Variants in KIFAP3 observed in about 807,000 individuals in gnomAD.
The protein encoded by KIFAP3 is kinesin associated protein 3.
Under a neutral mutation model 106.5 loss-of-function variants are expected in KIFAP3, and 68 were observed. The observed-to-expected ratio is 0.64, with a 90% CI of 0.53 to 0.78. KIFAP3 has a LOEUF of 0.78. Ranked by LOEUF, KIFAP3 falls within the 30% of genes least tolerant of loss-of-function variation. The pLI is 0.00. For synonymous variants in KIFAP3, 320 were observed against 311.5 expected (o/e 1.03, Z -0.29); for missense variants, 780 against 941.8 (o/e 0.83, Z 2.25).
chr1:169,998,399 TACACAC>T (rs1205858764), intron 10 of KIFAP3, among the ~76,000 whole-genome samples: 9 of 97,768 alleles, frequency 9.2e-5, no homozygotes, highest in African/African-American at 2.6e-4. Flanking sequence ...TATATATATA[TACACAC>T]ACACACACAC....
intron 2 of KIFAP3, among the ~76,000 whole-genome samples, chr1:170,051,025 C>T (rs1670548583): frequency 1.3e-5 from 2 of 151,802 alleles, no homozygotes; most frequent in Non-Finnish European, 2.9e-5. Context: ...CTAAATGCCT[C>T]AATTGAAAGA....
chr1:169,972,513 C>T lies in KIFAP3; in HGVS notation c.1983G>A (p.Ala661=), dbSNP rs762234341. 31 of 1,334,118 alleles carry T rather than the reference C, an allele frequency of 2.3e-5. No individual in the cohort carries two copies. Among genetic ancestry groups the T allele is most frequent in the South Asian group, 2.2e-4 (18 of 82,204 alleles). 82.6% of individuals were successfully genotyped at this position (1,334,118 alleles called of 1,614,324 possible). ...TTGTGTAGAAAAAATAATTACTTACCGCTATAATATCTAATGTATTATCAC... is the reference window on the plus strand; with the variant it reads ...TTGTGTAGAAAAAATAATTACTTACTGCTATAATATCTAATGTATTATCAC... ...KVCDNTLDII[A]EYDEEWAKKI... Residue 661 remains alanine, a splice_region_variant and synonymous_variant, in exon 17 of 20, where the codon GCG becomes GCA. Coordinates refer to ENST00000361580, the MANE Select transcript of KIFAP3 (RefSeq NM_014970.4).
At chr1:170,058,937 T>A (rs1670991037) in intron 1 of KIFAP3, among the ~76,000 whole-genome samples, 1 of 151,770 alleles carries the variant, frequency 6.6e-6, no homozygotes, top group South Asian at 2.1e-4. Context: ...CATAACAAAA[T>A]GAAGGCAGAA....
At chr1:170,031,179 C>A (rs996883282) in intron 8 of KIFAP3, among the ~76,000 whole-genome samples, 3 of 151,722 alleles carry the variant, frequency 2.0e-5, no homozygotes, top group African/African-American at 7.2e-5. Flanking sequence ...CTTTGAAAAT[C>A]TGACATTTTC....
At chr1:170,024,332 G>T in intron 9 of KIFAP3, 86 bp downstream of exon 9, 1 of 756,002 alleles carries the variant, frequency 1.3e-6, no homozygotes. Context: ...TCTCGGTAGG[G>T]GAATAAAGTG....
chr1:170,079,404 G>A (rs1218207703), upstream of KIFAP3, among the ~76,000 whole-genome samples: 1 of 152,016 alleles, frequency 6.6e-6, no homozygotes, highest in Non-Finnish European at 1.5e-5. Flanking sequence ...ATAATCTCAG[G>A]TATTCCTTTA....
chr1:170,007,127 T>C (rs972104652), intron 10 of KIFAP3, among the ~76,000 whole-genome samples: 1 of 152,138 alleles, frequency 6.6e-6, no homozygotes, highest in Non-Finnish European at 1.5e-5. Flanking sequence ...TACTAGGAAT[T>C]GACCATTGGC....
chr1:169,985,569 T>C (rs1034003930), intron 11 of KIFAP3, among the ~76,000 whole-genome samples: 2 of 151,794 alleles, frequency 1.3e-5, no homozygotes, highest in African/African-American at 4.8e-5. Context: ...AATTTTGGTT[T>C]TAGATATGTT....
chr1:170,078,230 G>A (rs980893391), upstream of KIFAP3, among the ~76,000 whole-genome samples: 1 of 150,842 alleles, frequency 6.6e-6, no homozygotes, highest in Non-Finnish European at 1.5e-5. Context: ...TTTTAAATTT[G>A]TCTGTTTACT....
chr1:170,014,345 T>C (rs570968086), intron 10 of KIFAP3, among the ~76,000 whole-genome samples: 67 of 152,368 alleles, frequency 4.4e-4, no homozygotes, highest in Admixed American at 9.2e-4. Flanking sequence ...CTTTCACTTA[T>C]TCTTAGTCAT....
chr1:169,982,947 C>T (rs1666606651), intron 13 of KIFAP3, 80 bp from the exon 14 acceptor site: 3 of 808,914 alleles, frequency 3.7e-6, no homozygotes, highest in Admixed American at 7.7e-5. Flanking sequence ...AACAATTTAA[C>T]TCATTGAAAG....
chr1:170,043,932 A>T (rs1433003643), intron 3 of KIFAP3, among the ~76,000 whole-genome samples: 1 of 152,202 alleles, frequency 6.6e-6, no homozygotes, highest in Non-Finnish European at 1.5e-5. Context: ...TTAAAAAATC[A>T]GAAGACAAAG....
intron 17 of KIFAP3, among the ~76,000 whole-genome samples, chr1:169,962,946 CTTGA>C (rs2101867928): frequency 6.6e-6 from 1 of 152,164 alleles, no homozygotes; most frequent in African/African-American, 2.4e-5. Flanking sequence ...AATTACTAAA[CTTGA>C]TTTTCTTTTT....
rs544913225 is a variant in KIFAP3, at chr1:169,944,223, G to A, written c.2273+9788C>T. ...ACCAAGCGCAGGGTCTGGTCACCAC[G>A]CACAGCAGGCATGCTGGCTGACTGG... On this transcript the variant is annotated intron_variant, in intron 19 of 19. Coordinates refer to ENST00000361580, the MANE Select transcript of KIFAP3 (RefSeq NM_014970.4). Among the ~76,000 whole-genome samples, 186 of 152,306 alleles carry A rather than the reference G, an allele frequency of 1.2e-3. 2 individuals carry two copies. The highest frequency in any genetic ancestry group is 4.4e-3 in the African/African-American group (182 of 41,568).
chr1:169,955,618 T>C (rs621437), intron 18 of KIFAP3, among the ~76,000 whole-genome samples: 39,311 of 152,048 alleles, frequency 0.26, 5,393 homozygotes, highest in Middle Eastern at 0.33. Flanking sequence ...GTGGGGTAAT[T>C]TGTATTTCCA....
chr1:170,077,131 T>TA (rs1671934532), upstream of KIFAP3, among the ~76,000 whole-genome samples: 4 of 152,244 alleles, frequency 2.6e-5, no homozygotes, highest in African/African-American at 7.2e-5. Flanking sequence ...CAGCACTCTG[T>TA]AAAAATGCAC....
chr1:170,027,636 C>G (rs1012119301), intron 8 of KIFAP3, among the ~76,000 whole-genome samples: 2 of 151,922 alleles, frequency 1.3e-5, no homozygotes, highest in South Asian at 2.1e-4. Flanking sequence ...ATCACAGAAA[C>G]TATCCAAAAT....
At chr1:170,041,906 G>A in intron 3 of KIFAP3, 1 of 1,334,232 alleles carries the variant, frequency 7.5e-7, no homozygotes, top group Non-Finnish European at 9.7e-7. Flanking sequence ...GCAACATTTG[G>A]GGGAAGTACT....
chr1:169,991,202 C>G (rs1667083438), intron 11 of KIFAP3, among the ~76,000 whole-genome samples: 1 of 151,868 alleles, frequency 6.6e-6, no homozygotes, highest in Non-Finnish European at 1.5e-5. Flanking sequence ...AAAAAATTAA[C>G]CAGTCATGGT....
Sources: allele counts gnomAD v4.1 joint callset (sites outside exome capture counted in the v4.1 genomes callset), GRCh38; gene constraint gnomAD v4.1.1; transcripts MANE v1.5; gene names NCBI Gene and HGNC (gene_info 2026-07-23, HGNC 2026-07-21).